The following PCDH11X variants were observed in gnomAD, a reference collection of about 807,000 sequenced individuals.
The protein encoded by PCDH11X is protocadherin-11 X-linked.
Under a neutral mutation model 53.3 loss-of-function variants are expected in PCDH11X, and 18 were observed. That is an observed-to-expected ratio of 0.34 (90% CI 0.23 to 0.50). PCDH11X has a LOEUF of 0.50. Ranked by LOEUF, PCDH11X falls within the 20% of genes least tolerant of loss-of-function variation. The pLI, the probability that PCDH11X is intolerant of heterozygous loss-of-function variation, is 0.98. For synonymous variants in PCDH11X, 279 were observed against 393.3 expected, an observed-to-expected ratio of 0.71 and a Z score of 3.44; for missense variants, 570 against 1,032.4, an observed-to-expected ratio of 0.55 and a Z score of 6.14.
At position 92,387,920 on chromosome X, in the gene PCDH11X, C is replaced by A. The variant is rs768159981; in HGVS notation, c.3330C>A (p.Ser1110=). The change falls in exon 9 of 11, where the codon TCC becomes TCA. Residue 1110 remains serine (S), a synonymous_variant. Transcript: ENST00000682573. ...PSNRTEGDGN[S]DPESTFIPGL... The stretch of plus-strand genomic sequence containing the variant: ...ATCGCACTGAAGGGGATGGCAACTC[C>A]GATCCTGAATCTAGTAAGTGATACC... The A allele has an allele frequency of 8.3e-7, 1 of 1,209,963 alleles. No homozygotes were observed. The highest frequency in any genetic ancestry group is 1.1e-6 in the Non-Finnish European group (1 of 894,672).
intron 8 of PCDH11X, among the ~76,000 whole-genome samples, chrX:92,372,186 T>C (rs1227156366): frequency 2.7e-5 from 3 of 109,903 alleles, no homozygotes; most frequent in East Asian, 5.7e-4. Flanking sequence ...ATAGACATGA[T>C]GAAGGAAAAT....
chrX:92,285,476 C>T (rs2068348624), intron 8 of PCDH11X, among the ~76,000 whole-genome samples: 1 of 109,982 alleles, frequency 9.1e-6, no homozygotes, highest in Non-Finnish European at 1.9e-5. Context: ...TGGTCGCGAA[C>T]TCCTGACTTC....
At chrX:92,549,306 G>A (rs1392374085) in intron 10 of PCDH11X, among the ~76,000 whole-genome samples, 14 of 105,525 alleles carry the variant, frequency 1.3e-4, no homozygotes, top group Middle Eastern at 4.9e-3. Context: ...ATTTCGTCTT[G>A]AACATGAAAT....
intron 7 of PCDH11X, among the ~76,000 whole-genome samples, chrX:92,203,425 T>C (rs1037070901): frequency 8.9e-6 from 1 of 112,542 alleles, no homozygotes; most frequent in African/African-American, 3.2e-5. Context: ...TGAGAAGATA[T>C]GATTAATATT....
chrX:92,116,266 T>C (rs2064636313), intron 6 of PCDH11X, among the ~76,000 whole-genome samples: 1 of 112,267 alleles, frequency 8.9e-6, no homozygotes, highest in Admixed American at 9.5e-5. Context: ...GTATGTTTTA[T>C]TAAATAGCCT....
At chrX:92,150,126 T>G (rs780699977) in intron 6 of PCDH11X, among the ~76,000 whole-genome samples, 1 of 111,049 alleles carries the variant, frequency 9.0e-6, no homozygotes, top group Admixed American at 9.6e-5. Flanking sequence ...AAGAGTGGAG[T>G]AGCTGGATCA....
At chrX:92,146,935 G>T (rs1034488965) in intron 6 of PCDH11X, among the ~76,000 whole-genome samples, 1 of 110,577 alleles carries the variant, frequency 9.0e-6, no homozygotes, top group African/African-American at 3.3e-5. Context: ...GGAGGTGGAG[G>T]TTGCAGTGAG....
intron 8 of PCDH11X, among the ~76,000 whole-genome samples, chrX:92,332,399 T>A (rs2069512495): frequency 9.1e-6 from 1 of 110,285 alleles, no homozygotes; most frequent in African/African-American, 3.3e-5. Flanking sequence ...TGTGCATGCA[T>A]GCACACATGT....
intron 5 of PCDH11X, among the ~76,000 whole-genome samples, chrX:91,861,643 G>T (rs1031496972): frequency 1.8e-5 from 2 of 111,774 alleles, no homozygotes; most frequent in Non-Finnish European, 3.8e-5. Context: ...GCTACCTACC[G>T]CTGGGTCCAA....
chrX:92,474,699 G>C (rs1371010546), intron 10 of PCDH11X, among the ~76,000 whole-genome samples: 1 of 95,639 alleles, frequency 1.0e-5, no homozygotes, highest in African/African-American at 4.0e-5. Flanking sequence ...ATTTAACACT[G>C]TATAAACAAA....
chrX:91,868,661 A>T (rs1203190079), intron 5 of PCDH11X, among the ~76,000 whole-genome samples: 1 of 111,769 alleles, frequency 8.9e-6, no homozygotes, highest in Non-Finnish European at 1.9e-5. Context: ...CATACAATGA[A>T]CCAGAAGCAA....
chrX:91,890,028 C>T (rs1263742979), intron 6 of PCDH11X, among the ~76,000 whole-genome samples: 7 of 103,512 alleles, frequency 6.8e-5, no homozygotes, highest in Non-Finnish European at 1.2e-4. Flanking sequence ...AGGGAATGTA[C>T]ACTTAAATCT....
chrX:91,876,417 T>A (rs182773693), intron 5 of PCDH11X, among the ~76,000 whole-genome samples: 11 of 111,561 alleles, frequency 9.9e-5, no homozygotes, highest in African/African-American at 3.6e-4. Context: ...TCACATAATT[T>A]AAAAAAACTT....
chrX:92,518,594 C>T (rs1013343797), intron 10 of PCDH11X, among the ~76,000 whole-genome samples: 13 of 110,600 alleles, frequency 1.2e-4, no homozygotes, highest in Non-Finnish European at 2.1e-4. Flanking sequence ...AGTCCTCTTT[C>T]CTCAACCTTA....
intron 6 of PCDH11X, among the ~76,000 whole-genome samples, chrX:92,126,329 C>T (rs2064860992): frequency 1.8e-5 from 2 of 109,082 alleles, no homozygotes; most frequent in Non-Finnish European, 3.8e-5. Flanking sequence ...AACGTTCTCT[C>T]CCCGGGAGTG....
rs182367873 is a variant in PCDH11X at position 92,293,428 on chromosome X, T to C, written c.3144+30285T>C. Reference sequence around the variant, plus strand: ...TCATGAGGTCAGGAGATCGAGACCATCCTGGCTAACACAGTGAAACCCCGC... The same window carrying C: ...TCATGAGGTCAGGAGATCGAGACCACCCTGGCTAACACAGTGAAACCCCGC... On this transcript the variant is annotated intron_variant, in intron 8 of 10. Transcript: ENST00000682573. Among the ~76,000 whole-genome samples, 556 of 109,356 alleles carry C rather than the reference T, an allele frequency of 5.1e-3. 7 individuals are homozygous for C. Among genetic ancestry groups the C allele is most frequent in the African/African-American group, 0.018 (536 of 29,951 alleles). 95.0% of individuals were successfully genotyped at this position (109,356 alleles called of 115,157 possible).
intron 6 of PCDH11X, among the ~76,000 whole-genome samples, chrX:92,000,425 C>G (rs1416290591): frequency 1.8e-5 from 2 of 108,918 alleles, no homozygotes; most frequent in African/African-American, 6.7e-5. Flanking sequence ...ATTCTTATTT[C>G]CTTTTAAAAA....
intron 10 of PCDH11X, among the ~76,000 whole-genome samples, chrX:92,498,501 T>C (rs1352238541): frequency 2.7e-5 from 3 of 110,711 alleles, no homozygotes; most frequent in Non-Finnish European, 5.7e-5. Flanking sequence ...CTTCTTTTCC[T>C]TAAATATTCT....
chrX:92,281,994 T>C (rs951642626), intron 8 of PCDH11X, among the ~76,000 whole-genome samples: 13 of 111,007 alleles, frequency 1.2e-4, no homozygotes, highest in African/African-American at 4.3e-4. Flanking sequence ...TTAAACTTTT[T>C]AGACCTGAAT....
Sources: allele counts gnomAD v4.1 joint callset (sites outside exome capture counted in the v4.1 genomes callset), GRCh38; gene constraint gnomAD v4.1.1; transcripts MANE v1.5; gene names NCBI Gene and HGNC (gene_info 2026-07-23, HGNC 2026-07-21).